The following ENOX2 variants were observed in gnomAD, a reference collection of about 807,000 sequenced individuals.
The protein encoded by ENOX2 is ecto-NOX disulfide-thiol exchanger 2.
A neutral mutation model predicts 45.0 loss-of-function variants in ENOX2; 36 were observed. The observed-to-expected ratio is 0.80, with a 90% CI of 0.61 to 1.06. ENOX2 has a LOEUF of 1.06. Among genes scored for constraint, ENOX2 ranks in the 50% least tolerant of loss-of-function variants. The pLI is 0.00. For missense variants in ENOX2, 423 were observed against 462.5 expected, an observed-to-expected ratio of 0.91 and a Z score of 0.78; for synonymous variants, 174 against 152.3, an observed-to-expected ratio of 1.14 and a Z score of -1.05.
At chrX:130,678,900 C>A (rs1041487642) in intron 6 of ENOX2, among the ~76,000 whole-genome samples, 1 of 111,312 alleles carries the variant, frequency 9.0e-6, no homozygotes, top group African/African-American at 3.3e-5. Context: ...TACTTTTGTG[C>A]CAGGTTATGT....
intron 2 of ENOX2, among the ~76,000 whole-genome samples, chrX:130,883,006 T>C (rs2078844273): frequency 8.9e-6 from 1 of 112,801 alleles, no homozygotes; most frequent in Admixed American, 9.3e-5. Flanking sequence ...GTCTACCTTA[T>C]GGCATTGCTG....
At chrX:130,637,661 A>AT (rs1448127845) in intron 10 of ENOX2, among the ~76,000 whole-genome samples, 7 of 111,093 alleles carry the variant, frequency 6.3e-5, no homozygotes, top group Non-Finnish European at 1.3e-4. Flanking sequence ...GGTAGCATCA[A>AT]TTTTTTTTAT....
intron 10 of ENOX2, among the ~76,000 whole-genome samples, chrX:130,647,437 G>A (rs1242092293): frequency 8.9e-6 from 1 of 112,439 alleles, no homozygotes; most frequent in Admixed American, 9.4e-5. Flanking sequence ...CCTACCCTGA[G>A]TGGGAGATGA....
intron 2 of ENOX2, among the ~76,000 whole-genome samples, chrX:130,845,452 TTTTG>T (rs922018544): frequency 1.4e-4 from 16 of 112,079 alleles, no homozygotes; most frequent in African/African-American, 3.9e-4. Context: ...AATCCAATAG[TTTTG>T]TTTGTTTGTT....
intron 2 of ENOX2, among the ~76,000 whole-genome samples, chrX:130,814,474 C>T (rs1026902170): frequency 2.7e-5 from 3 of 111,879 alleles, no homozygotes; most frequent in African/African-American, 9.8e-5. Context: ...CAGTGGTCGA[C>T]AGACACTTCA....
At chrX:130,662,629 C>A (rs912832939) in intron 9 of ENOX2, among the ~76,000 whole-genome samples, 1 of 111,472 alleles carries the variant, frequency 9.0e-6, no homozygotes, top group Non-Finnish European at 1.9e-5. Flanking sequence ...TCACAGGATA[C>A]CTCCTTTCAG....
chrX:130,821,742 TAAAAA>T, intron 2 of ENOX2, among the ~76,000 whole-genome samples: 9 of 23,186 alleles, frequency 3.9e-4, no homozygotes, highest in Admixed American at 6.4e-4. Context: ...ATAAATAAAT[TAAAAA>T]AAAAAAAAAA....
At chrX:130,634,742 G>A (rs1205163397) in intron 12 of ENOX2, among the ~76,000 whole-genome samples, 3 of 111,421 alleles carry the variant, frequency 2.7e-5, no homozygotes, top group Non-Finnish European at 5.7e-5. Flanking sequence ...GAGTTTTAGG[G>A]ATGAACCGAC....
chrX:130,774,996 T>C (rs1235490749), intron 3 of ENOX2, among the ~76,000 whole-genome samples: 1 of 112,281 alleles, frequency 8.9e-6, no homozygotes, highest in Non-Finnish European at 1.9e-5. Flanking sequence ...TGCCATTCTG[T>C]GGCGAAGAAG....
At chrX:130,853,775 T>G (rs904832137) in intron 2 of ENOX2, among the ~76,000 whole-genome samples, 2 of 110,199 alleles carry the variant, frequency 1.8e-5, no homozygotes, top group Admixed American at 9.7e-5. Flanking sequence ...TCAACCAGGG[T>G]GATGTCAGCA....
intron 2 of ENOX2, among the ~76,000 whole-genome samples, chrX:130,890,233 G>C (rs1047372141): frequency 9.0e-6 from 1 of 111,282 alleles, no homozygotes; most frequent in African/African-American, 3.3e-5. Context: ...AATGAGGTGG[G>C]AGGCAGTAGT....
At chrX:130,653,747 G>T (rs1222151344) in intron 10 of ENOX2, among the ~76,000 whole-genome samples, 2 of 112,254 alleles carry the variant, frequency 1.8e-5, no homozygotes, top group Admixed American at 9.5e-5. Context: ...AGGACATAGT[G>T]CTTGTTAATT....
intron 3 of ENOX2, among the ~76,000 whole-genome samples, chrX:130,760,785 CAAAAAAAAAAAAAAAAAAAA>C (rs555575901): frequency 1.1e-3 from 10 of 9,401 alleles, no homozygotes; most frequent in South Asian, 0.029. Flanking sequence ...GACTCCATCT[CAAAAAAAAAAAAAAAAAAAA>C]AAAAAAAAAA....
chrX:130,838,159 T>G (rs2077958048), intron 2 of ENOX2, among the ~76,000 whole-genome samples: 1 of 111,714 alleles, frequency 9.0e-6, no homozygotes, highest in Non-Finnish European at 1.9e-5. Flanking sequence ...AGTGGGCGGA[T>G]CACTTGAGGT....
intron 2 of ENOX2, among the ~76,000 whole-genome samples, chrX:130,884,423 A>AGAAG (rs2078869151): frequency 8.9e-6 from 1 of 111,775 alleles, no homozygotes; most frequent in South Asian, 3.8e-4. Flanking sequence ...CAAATGCTGA[A>AGAAG]GAAGAGTTGT....
chrX:130,885,160 C>T (rs142110339), intron 2 of ENOX2, among the ~76,000 whole-genome samples: 251 of 112,179 alleles, frequency 2.2e-3, no homozygotes, highest in Non-Finnish European at 3.3e-3. Context: ...GAAAACATCT[C>T]TAGCGTCCTA....
chrX:130,631,520 C>A lies in ENOX2; in HGVS notation c.1476G>T (p.Glu492Asp), dbSNP rs1377967174. 8.3e-7 allele frequency: 1 copy of A among 1,206,902 alleles called. No homozygotes were observed. The highest frequency in any genetic ancestry group is 1.1e-6 in the Non-Finnish European group (1 of 891,093). ...ASNQDSEYPL[E>D]KTMNSSPIKS... ...TGATAGGACTGCTGTTCATGGTCTT[C>A]TCAAGAGGGTATTCGCTATCCTGGT... The change falls in exon 13 of 15, where the codon GAG becomes GAT. Residue 492 changes from glutamate to aspartate, a missense_variant. Glu to Asp is a conservative substitution (Grantham distance 45). Transcript: ENST00000394363.
At chrX:130,766,846 T>C (rs985883920) in intron 3 of ENOX2, among the ~76,000 whole-genome samples, 2 of 112,112 alleles carry the variant, frequency 1.8e-5, no homozygotes, top group African/African-American at 6.5e-5. Flanking sequence ...TCATGTAATC[T>C]GCAAAATCAC....
intron 4 of ENOX2, among the ~76,000 whole-genome samples, chrX:130,691,095 C>T (rs2037582269): frequency 2.1e-5 from 2 of 95,522 alleles, no homozygotes; most frequent in Admixed American, 1.1e-4. Context: ...TATCTATACT[C>T]TACTCTCCTC....
Sources: gnomAD v4.1 joint callset for allele counts (sites outside exome capture counted in the v4.1 genomes callset) on GRCh38, gnomAD v4.1.1 for gene constraint, MANE v1.5 for transcripts, NCBI Gene and HGNC (gene_info 2026-07-23, HGNC 2026-07-21) for gene names.